The following KLF13 variants were observed in gnomAD, a reference collection of about 807,000 sequenced individuals.
The protein encoded by KLF13 is KLF transcription factor 13.
A neutral mutation model predicts 16.7 loss-of-function variants in KLF13; 8 were observed. The observed-to-expected ratio is 0.48, with a 90% CI of 0.28 to 0.87. The LOEUF (loss-of-function observed/expected upper bound fraction) is 0.87, where lower values mean the gene tolerates loss of function less well. Among genes scored for constraint, KLF13 ranks in the 40% least tolerant of loss-of-function variants. KLF13 has a pLI of 0.10. For missense variants in KLF13, 447 were observed against 452.2 expected (o/e 0.99, Z 0.10); for synonymous variants, 245 against 208.4 (o/e 1.18, Z -1.51).
upstream of KLF13, among the ~76,000 whole-genome samples, chr15:31,391,268 T>TG (rs1421959296): frequency 4.7e-5 from 1 of 21,474 alleles, no homozygotes; most frequent in Admixed American, 6.4e-4. Context: ...TGTTGGGCTG[T>TG]GGGGGGCTGA....
intron 1 of KLF13, among the ~76,000 whole-genome samples, chr15:31,336,669 G>A (rs908500309): frequency 1.3e-5 from 2 of 152,180 alleles, no homozygotes; most frequent in Non-Finnish European, 2.9e-5. Flanking sequence ...GCAAGGAATT[G>A]TTGGAAAAGA....
At chr15:31,346,812 T>G (rs1481139297) in intron 1 of KLF13, among the ~76,000 whole-genome samples, 1 of 152,208 alleles carries the variant, frequency 6.6e-6, no homozygotes, top group African/African-American at 2.4e-5. Flanking sequence ...GGTGGGCTAT[T>G]GGCCTGCAGG....
intron 1 of KLF13, among the ~76,000 whole-genome samples, chr15:31,417,558 T>C (rs984507788): frequency 6.6e-6 from 1 of 152,032 alleles, no homozygotes; most frequent in Non-Finnish European, 1.5e-5. Flanking sequence ...TCCTTTTTTT[T>C]AAAACAGAGT....
intron 1 of KLF13, among the ~76,000 whole-genome samples, chr15:31,415,484 A>G (rs2040244479): frequency 6.6e-6 from 1 of 152,234 alleles, no homozygotes; most frequent in Non-Finnish European, 1.5e-5. Flanking sequence ...TAGCAGGAAA[A>G]TAATTTGGTA....
chr15:31,405,254 C>T (rs771750011), downstream of KLF13, among the ~76,000 whole-genome samples: 8 of 152,248 alleles, frequency 5.3e-5, no homozygotes, highest in East Asian at 1.9e-4. Flanking sequence ...GCAGCGATTG[C>T]AGTGAGCCGA....
rs570391778 is a variant in KLF13, at chr15:31,343,375, T to A, written c.577+15586T>A. ...TGCAGTGCCCACAGACAAGGCTGGG[T>A]GCACACAGCCTCCCAAACAGCATCC... On this transcript the variant is annotated intron_variant, in intron 1 of 1. Coordinates refer to ENST00000307145, the MANE Select transcript of KLF13 (RefSeq NM_015995.4). Among the ~76,000 whole-genome samples, 17 of 152,318 alleles carry A rather than the reference T, an allele frequency of 1.1e-4. No individual in the cohort carries two copies. In the East Asian group the frequency reaches 3.3e-3, roughly 29 times the overall value.
At chr15:31,351,528 C>T (rs1316661136) in intron 1 of KLF13, among the ~76,000 whole-genome samples, 1 of 152,166 alleles carries the variant, frequency 6.6e-6, no homozygotes, top group East Asian at 1.9e-4. Flanking sequence ...GATTGGCTGT[C>T]CTGGGACAGC....
In KLF13 at chr15:31,375,069, C is replaced by T. The variant is rs1213793337; in HGVS notation, c.*2770C>T. 3.9e-5 allele frequency: 6 copies of T among 152,538 alleles called. 1 individual carries two copies. The highest frequency in any genetic ancestry group is 5.9e-5 in the Non-Finnish European group (4 of 68,018). 9.4% of individuals were successfully genotyped at this position (152,538 alleles called of 1,614,324 possible). A position where few individuals can be genotyped will look rare whatever the true frequency, so the allele number is the denominator to read the frequency against. ...TAATGGCAGGGTGCGGTCCTTAGGCCCCGGCCTGGACTGGGAAATGGGGGT... is the reference window on the plus strand; with the variant it reads ...TAATGGCAGGGTGCGGTCCTTAGGCTCCGGCCTGGACTGGGAAATGGGGGT... On this transcript the variant is annotated 3_prime_UTR_variant, in exon 2 of 2. Coordinates refer to ENST00000307145, the MANE Select transcript of KLF13 (RefSeq NM_015995.4).
At position 31,327,501 on chromosome 15, in the gene KLF13, C is replaced by G. The variant is rs955143288; in HGVS notation, c.289C>G (p.Arg97Gly). ...AAARKARTPC[R>G]LPPPAPEPTS... is the part of the protein sequence containing the mutation. Reference sequence around the variant, plus strand: ...GGCCCGGAAGGCGAGGACCCCCTGCCGCCTGCCGCCGCCCGCCCCCGAGCC... The same window carrying G: ...GGCCCGGAAGGCGAGGACCCCCTGCGGCCTGCCGCCGCCCGCCCCCGAGCC... The change falls in exon 1 of 2, where the codon CGC becomes GGC. Residue 97 changes from arginine (R) to glycine (G), a missense_variant. This residue lies in a region of KLF13 where 359 missense variants were observed against 282.8 expected (regional missense o/e 1.27). Coordinates refer to ENST00000307145, the MANE Select transcript of KLF13 (RefSeq NM_015995.4). 2 of 1,148,696 alleles carry G rather than the reference C, an allele frequency of 1.7e-6. No individual in the cohort carries two copies. Among genetic ancestry groups the G allele is most frequent in the Non-Finnish European group, 1.1e-6 (1 of 935,846 alleles). 71.2% of individuals were successfully genotyped at this position (1,148,696 alleles called of 1,614,324 possible).
At chr15:31,412,020 C>G (rs8039819) in intron 1 of KLF13, among the ~76,000 whole-genome samples, 16,150 of 152,138 alleles carry the variant, frequency 0.11, 2,981 homozygotes, top group African/African-American at 0.37. Context: ...ATGTTAGTGT[C>G]TCCCAGGAAG....
intron 1 of KLF13, among the ~76,000 whole-genome samples, chr15:31,434,230 T>A (rs1243308065): frequency 1.3e-5 from 2 of 152,118 alleles, no homozygotes; most frequent in East Asian, 3.9e-4. Flanking sequence ...GAGAGGTAAG[T>A]GACTTGCTCA....
chr15:31,341,261 G>T (rs1277975763), intron 1 of KLF13, among the ~76,000 whole-genome samples: 1 of 152,242 alleles, frequency 6.6e-6, no homozygotes, highest in East Asian at 1.9e-4. Flanking sequence ...TCACTGTGAA[G>T]TGGGTCTGGT....
rs375101197 is a variant in KLF13, at chr15:31,327,623, G to T, written c.411G>T (p.Pro137=). 122 of 1,347,594 alleles carry T rather than the reference G, an allele frequency of 9.1e-5. No homozygotes were observed. The African/African-American group carries it at 1.6e-3, about 17-fold the overall frequency. 83.5% of individuals were successfully genotyped at this position (1,347,594 alleles called of 1,614,324 possible). A position where few individuals can be genotyped will look rare whatever the true frequency, so the allele number is the denominator to read the frequency against. ...CGGGGCTGGAGCCCGAGCGGGAGCC[G>T]GGGCCCGCGGGGAGCGGCGAGCCCG... The part of the protein sequence containing the change: ...PEAGLEPERE[P]GPAGSGEPGL... Residue 137 remains proline, a synonymous_variant, in exon 1 of 2, where the codon CCG becomes CCT. Transcript: ENST00000307145.
chr15:31,399,174 T>C (rs2039998678), intron 2 of KLF13, among the ~76,000 whole-genome samples: 1 of 152,152 alleles, frequency 6.6e-6, no homozygotes, highest in Admixed American at 6.5e-5. Context: ...GCCCCACAAA[T>C]GTGGGGGCAA....
chr15:31,378,196 A>C (rs2039679661), downstream of KLF13, among the ~76,000 whole-genome samples: 1 of 152,200 alleles, frequency 6.6e-6, no homozygotes, highest in African/African-American at 2.4e-5. Context: ...AGATTCCCTC[A>C]AAGGGCACAG....
intron 1 of KLF13, among the ~76,000 whole-genome samples, chr15:31,356,995 C>T (rs1185521800): frequency 3.3e-5 from 5 of 152,222 alleles, no homozygotes; most frequent in South Asian, 2.1e-4. Context: ...TTATTTGGAG[C>T]TGTTGGTCTG....
intron 1 of KLF13, among the ~76,000 whole-genome samples, chr15:31,356,891 A>C (rs1348315292): frequency 6.6e-6 from 1 of 152,118 alleles, no homozygotes; most frequent in Non-Finnish European, 1.5e-5. Flanking sequence ...TGTCCTCTGC[A>C]GCGGGCCCGT....
chr15:31,425,454 A>T (rs879385846), intron 1 of KLF13, among the ~76,000 whole-genome samples: 24 of 152,230 alleles, frequency 1.6e-4, no homozygotes, highest in Non-Finnish European at 3.2e-4. Flanking sequence ...TATAAGAGAG[A>T]TCCCAGAAAT....
chr15:31,335,656 T>C (rs2038918855), intron 1 of KLF13, among the ~76,000 whole-genome samples: 1 of 152,182 alleles, frequency 6.6e-6, no homozygotes, highest in Admixed American at 6.5e-5. Context: ...CAAAAACACT[T>C]GCTAACCAGA....
Sources: gnomAD v4.1 joint callset for allele counts (sites outside exome capture counted in the v4.1 genomes callset) on GRCh38, gnomAD v4.1.1 for gene constraint, gnomAD v4.1.1 regional missense constraint, MANE v1.5 for transcripts, NCBI Gene and HGNC (gene_info 2026-07-23, HGNC 2026-07-21) for gene names.